The following TRPC4 variants were observed in gnomAD, a reference collection of about 807,000 sequenced individuals.
TRPC4 encodes short transient receptor potential channel 4.
TRPC4 carries 49 observed loss-of-function variants against 99.4 expected under a neutral mutation model. The ratio of observed to expected loss-of-function variants is 0.49; its 90% CI spans 0.39 to 0.63. TRPC4 has a LOEUF of 0.63. Ranked by LOEUF, TRPC4 falls within the 20% of genes least tolerant of loss-of-function variation. The pLI is 0.00. For missense variants in TRPC4, 898 were observed against 1,152.9 expected, an observed-to-expected ratio of 0.78 and a Z score of 3.20; for synonymous variants, 454 against 425.9, an observed-to-expected ratio of 1.07 and a Z score of -0.81.
chr13:37,828,375 C>T (rs28804677), intron 1 of TRPC4, among the ~76,000 whole-genome samples: 1,985 of 152,258 alleles, frequency 0.013, 42 homozygotes, highest in African/African-American at 0.045. Context: ...AATGCTTATA[C>T]GGTGTTGTTT....
intron 6 of TRPC4, among the ~76,000 whole-genome samples, chr13:37,661,545 A>T (rs1002419995): frequency 1.3e-4 from 20 of 152,240 alleles, no homozygotes; most frequent in Admixed American, 1.3e-4. Flanking sequence ...AGTCAGAAGG[A>T]TATGGCAACA....
intron 10 of TRPC4, 69 bp from the exon 11 acceptor site, chr13:37,637,694 A>G: frequency 7.0e-7 from 1 of 1,434,840 alleles, no homozygotes; most frequent in East Asian, 2.3e-5. Context: ...TTCTCGTCTC[A>G]TATATGGGTC....
chr13:37,647,938 C>A (rs1399562954), intron 8 of TRPC4, among the ~76,000 whole-genome samples: 1 of 151,892 alleles, frequency 6.6e-6, no homozygotes, highest in East Asian at 1.9e-4. Context: ...TTATCTTATA[C>A]ATTTATTTAT....
chr13:37,640,329 C>T (rs1719829562), intron 8 of TRPC4, among the ~76,000 whole-genome samples: 1 of 152,048 alleles, frequency 6.6e-6, no homozygotes, highest in Non-Finnish European at 1.5e-5. Context: ...GCTGTGCCTA[C>T]ATCACTGTGA....
At chr13:37,731,668 A>G (rs906133229) in intron 3 of TRPC4, among the ~76,000 whole-genome samples, 1 of 152,254 alleles carries the variant, frequency 6.6e-6, no homozygotes, top group African/African-American at 2.4e-5. Context: ...GTCAAACTGT[A>G]TAAGAGATAA....
intron 5 of TRPC4, among the ~76,000 whole-genome samples, chr13:37,669,206 A>G (rs1003330609): frequency 2.0e-5 from 3 of 152,172 alleles, no homozygotes; most frequent in Non-Finnish European, 2.9e-5. Flanking sequence ...TAAATTACAC[A>G]GCGAAAAAGG....
chr13:37,651,002 T>C (rs1262213346), intron 8 of TRPC4, among the ~76,000 whole-genome samples: 1 of 152,182 alleles, frequency 6.6e-6, no homozygotes, highest in African/African-American at 2.4e-5. Context: ...CAGCCTTGAC[T>C]AGCAGAACTC....
chr13:37,641,154 C>T (rs1449501987), intron 8 of TRPC4, among the ~76,000 whole-genome samples: 2 of 152,056 alleles, frequency 1.3e-5, no homozygotes, highest in African/African-American at 4.8e-5. Flanking sequence ...TCAGTAGAAT[C>T]TTACTCATCC....
intron 2 of TRPC4, among the ~76,000 whole-genome samples, chr13:37,772,710 T>A (rs1266037842): frequency 6.6e-6 from 1 of 151,706 alleles, no homozygotes; most frequent in Admixed American, 6.6e-5. Context: ...TTATAATTTA[T>A]ATCAAAAAAG....
chr13:37,790,900 C>A (rs1282713365), intron 1 of TRPC4, among the ~76,000 whole-genome samples: 2 of 151,910 alleles, frequency 1.3e-5, no homozygotes, highest in East Asian at 1.9e-4. Flanking sequence ...TAACATCATA[C>A]CTCATAACAG....
intron 2 of TRPC4, among the ~76,000 whole-genome samples, chr13:37,773,607 G>C (rs995889869): frequency 2.0e-5 from 3 of 151,776 alleles, no homozygotes; most frequent in Non-Finnish European, 4.4e-5. Context: ...GAAGTACTTA[G>C]TTACTTATAG....
intron 1 of TRPC4, among the ~76,000 whole-genome samples, chr13:37,805,485 T>C (rs1957508220): frequency 6.6e-6 from 1 of 152,026 alleles, no homozygotes. Context: ...TAAGTCCATG[T>C]TTTCTTTTCC....
chr13:37,745,475 C>CGTGTATATATATATATATATAT (rs1566138437), intron 3 of TRPC4, among the ~76,000 whole-genome samples: 1 of 7,834 alleles, frequency 1.3e-4, no homozygotes, highest in Non-Finnish European at 3.7e-4. Flanking sequence ...TATATATATA[C>CGTGTATATATATATATATATAT]ACACACACAC....
chr13:37,868,434 C>T (rs575957427), intron 1 of TRPC4, among the ~76,000 whole-genome samples: 1 of 152,216 alleles, frequency 6.6e-6, no homozygotes, highest in South Asian at 2.1e-4. Context: ...AACATCTCCA[C>T]CCACTCTTAC....
chr13:37,654,158 T>C (rs1952143805), intron 7 of TRPC4, among the ~76,000 whole-genome samples: 1 of 152,120 alleles, frequency 6.6e-6, no homozygotes, highest in South Asian at 2.1e-4. Flanking sequence ...TCCCTAAGGA[T>C]GGTTGAAGTA....
chr13:37,708,563 T>C (rs963244738), intron 3 of TRPC4, among the ~76,000 whole-genome samples: 6 of 151,836 alleles, frequency 4.0e-5, no homozygotes, highest in Non-Finnish European at 8.8e-5. Context: ...CCTAGTTCCC[T>C]GATCGCAAAG....
intron 1 of TRPC4, among the ~76,000 whole-genome samples, chr13:37,850,485 T>TA (rs1959026917): frequency 6.6e-6 from 1 of 152,162 alleles, no homozygotes; most frequent in Non-Finnish European, 1.5e-5. Flanking sequence ...TCTGTGACAA[T>TA]AAAAAAGCAC....
Position 37,633,100 on chromosome 13 carries a change from T to G in TRPC4, c.*3803A>C, listed in dbSNP as rs1951428633. 6.6e-6 allele frequency among the ~76,000 whole-genome samples: 1 copy of G among 152,166 alleles called. No homozygotes were observed. The highest frequency in any genetic ancestry group is 2.4e-5 in the African/African-American group (1 of 41,452). ...TTATCTACAGTGAACTTATTTAACA[T>G]GATTCTAAAATTCAAATTAAAAAAG... On this transcript the variant is annotated 3_prime_UTR_variant, in exon 11 of 11. Coordinates refer to ENST00000379705, the MANE Select transcript of TRPC4 (RefSeq NM_016179.4).
Position 37,674,477 on chromosome 13 carries a change from A to G in TRPC4, c.1235-110T>C, listed in dbSNP as rs551214182. The G allele has an allele frequency of 2.6e-6, 3 of 1,168,762 alleles. No individual in the cohort carries two copies. In the Admixed American group the frequency reaches 8.8e-5, roughly 34 times the overall value. 72.4% of individuals were successfully genotyped at this position (1,168,762 alleles called of 1,614,324 possible). On this transcript the variant is annotated intron_variant, in intron 4 of 10. Coordinates refer to ENST00000379705, the MANE Select transcript of TRPC4 (RefSeq NM_016179.4). ...CGAAGCTACAAGAGACCACATTGTT[A>G]CACTAAATGCAACATCTATTTTTTA...
Sources: gnomAD v4.1 joint callset for allele counts (sites outside exome capture counted in the v4.1 genomes callset) on GRCh38, gnomAD v4.1.1 for gene constraint, MANE v1.5 for transcripts, NCBI Gene and HGNC (gene_info 2026-07-23, HGNC 2026-07-21) for gene names.